The following CHD9 variants were observed in gnomAD, a reference collection of about 807,000 sequenced individuals.
CHD9 encodes the protein ATP-dependent chromatin remodeler CHD9.
Under a neutral mutation model 316.1 loss-of-function variants are expected in CHD9, and 77 were observed. That is an observed-to-expected ratio of 0.24 (90% CI 0.20 to 0.29). The LOEUF (loss-of-function observed/expected upper bound fraction) is 0.29, where lower values mean the gene tolerates loss of function less well. CHD9 is among the 10% of genes least tolerant of loss of function. The pLI is 1.00. For missense variants in CHD9, 2,763 were observed against 3,438.1 expected, an observed-to-expected ratio of 0.80 and a Z score of 4.91; for synonymous variants, 1,129 against 1,158.3, an observed-to-expected ratio of 0.97 and a Z score of 0.51.
chr16:53,214,029 A>G (rs1270474581), intron 3 of CHD9, among the ~76,000 whole-genome samples: 3 of 152,204 alleles, frequency 2.0e-5, no homozygotes, highest in African/African-American at 7.2e-5. Flanking sequence ...AGTAGGAATT[A>G]AGTATAAGTC....
chr16:53,240,837 A>G (rs1415142982), intron 12 of CHD9, among the ~76,000 whole-genome samples: 3 of 152,138 alleles, frequency 2.0e-5, no homozygotes, highest in Non-Finnish European at 4.4e-5. Flanking sequence ...AACCTTGTAA[A>G]ATAGATAGTA....
Position 53,148,878 on chromosome 16 carries a change from C to A in CHD9, c.-164-7048C>A, listed in dbSNP as rs377672544. 1.0e-3 allele frequency among the ~76,000 whole-genome samples: 154 copies of A among 152,260 alleles called. 2 individuals are homozygous for A. In the South Asian group the frequency reaches 0.03, roughly 30 times the overall value. ...ATTAGGTTATTAATTTAAGATATAT[C>A]TTTAAAAATGTAGTTGTTCACAGGT... On this transcript the variant is annotated intron_variant, in intron 1 of 38. Coordinates refer to ENST00000447540, the MANE Select transcript of CHD9 (RefSeq NM_001308319.2).
At chr16:53,188,700 T>C (rs1039180368) in intron 2 of CHD9, among the ~76,000 whole-genome samples, 6 of 143,456 alleles carry the variant, frequency 4.2e-5, no homozygotes, top group African/African-American at 1.6e-4. Context: ...GTTCAAGCAG[T>C]TCTTCTGCCT....
intron 2 of CHD9, among the ~76,000 whole-genome samples, chr16:53,194,527 C>T (rs1253904278): frequency 6.6e-6 from 1 of 152,114 alleles, no homozygotes; most frequent in East Asian, 1.9e-4. Flanking sequence ...GAGCGGAGAT[C>T]GTACCACTTC....
At chr16:53,122,238 G>A (rs866849501) in intron 1 of CHD9, 1 of 151,870 alleles carries the variant, frequency 6.6e-6, no homozygotes, top group South Asian at 2.1e-4. Context: ...ATTTATACGG[G>A]AATAATAATC....
At chr16:53,069,082 G>C (rs1567305519) in intron 1 of CHD9, among the ~76,000 whole-genome samples, 1 of 151,956 alleles carries the variant, frequency 6.6e-6, no homozygotes, top group Non-Finnish European at 1.5e-5. Context: ...TTGGCTTACT[G>C]CAACCTCTGC....
At chr16:53,162,952 G>T (rs1359916918) in intron 2 of CHD9, among the ~76,000 whole-genome samples, 1 of 151,294 alleles carries the variant, frequency 6.6e-6, no homozygotes, top group Non-Finnish European at 1.5e-5. Context: ...TTTATTTTTT[G>T]TGGAGACAAG....
intron 1 of CHD9, among the ~76,000 whole-genome samples, chr16:53,069,923 G>GT (rs60443741): frequency 0.65 from 98,953 of 151,690 alleles, 32,876 homozygotes; most frequent in African/African-American, 0.7. Flanking sequence ...TTTGTGTGTG[G>GT]TTTTTTTTGA....
chr16:53,187,994 C>T (rs982726784), intron 2 of CHD9, among the ~76,000 whole-genome samples: 5 of 152,192 alleles, frequency 3.3e-5, no homozygotes, highest in Middle Eastern at 3.2e-3. Flanking sequence ...TGTTAGCAGT[C>T]GTTCCTAATT....
Position 53,222,683 on chromosome 16 carries a change from G to A in CHD9, c.1824G>A (p.Lys608=). 6.3e-7 allele frequency: 1 copy of A among 1,577,454 alleles called. No individual in the cohort carries two copies. Among genetic ancestry groups the A allele is most frequent in the Middle Eastern group, 1.7e-4 (1 of 5,980 alleles). The change falls in exon 4 of 39, where the codon AAG becomes AAA. Residue 608 remains lysine, a synonymous_variant. Transcript: ENST00000447540. ...IITLGKKQKR[K]NESSDEISDA... ...CATTGGGTAAGAAACAAAAAAGAAA[G>A]AATGAGTCTTCAGATGAAATATCTG... is the stretch of plus-strand genomic sequence containing the variant.
chr16:53,310,669 G>A (rs1441040546), intron 34 of CHD9: 4 of 149,294 alleles, frequency 2.7e-5, no homozygotes, highest in African/African-American at 7.4e-5. Context: ...CTGACATGGT[G>A]AAACCCTGTC....
At chr16:53,290,066 G>T (rs76064168) in intron 27 of CHD9, among the ~76,000 whole-genome samples, 377 of 152,214 alleles carry the variant, frequency 2.5e-3, no homozygotes, top group African/African-American at 8.3e-3. Context: ...TTGAGTTCAG[G>T]AGTTCAAGAC....
chr16:53,164,075 A>C lies in CHD9; in HGVS notation c.1452+6534A>C, dbSNP rs372305390. Among the ~76,000 whole-genome samples the C allele has an allele frequency of 3.3e-4, 50 of 152,330 alleles. 1 individual carries two copies. The South Asian group carries it at 9.7e-3, about 30-fold the overall frequency. ...ATTATTTCTGGTCTTAACAACTTTC[A>C]CTTTACTTAAAAGCATATTAATACA... On this transcript the variant is annotated intron_variant, in intron 2 of 38. Transcript: ENST00000447540.
chr16:53,087,425 C>T (rs891125256), intron 1 of CHD9, among the ~76,000 whole-genome samples: 3 of 152,162 alleles, frequency 2.0e-5, no homozygotes, highest in Non-Finnish European at 2.9e-5. Context: ...ATATGAGACT[C>T]GGGTCTATTC....
intron 2 of CHD9, among the ~76,000 whole-genome samples, chr16:53,191,960 G>A (rs902573654): frequency 6.6e-6 from 1 of 151,500 alleles, no homozygotes; most frequent in Non-Finnish European, 1.5e-5. Context: ...CCATTGATTA[G>A]ATGTGTATTT....
At chr16:53,210,876 G>C (rs1049508669) in intron 3 of CHD9, among the ~76,000 whole-genome samples, 1 of 151,966 alleles carries the variant, frequency 6.6e-6, no homozygotes. Context: ...GGGCTCTCTT[G>C]TTATAATAGA....
intron 24 of CHD9, among the ~76,000 whole-genome samples, chr16:53,278,714 T>C (rs1170073096): frequency 6.6e-6 from 1 of 152,130 alleles, no homozygotes; most frequent in Non-Finnish European, 1.5e-5. Context: ...GAACAGACAC[T>C]TCTCAAAAGA....
At chr16:53,205,438 T>C (rs1272304092) in intron 2 of CHD9, among the ~76,000 whole-genome samples, 2 of 151,952 alleles carry the variant, frequency 1.3e-5, no homozygotes, top group African/African-American at 4.8e-5. Flanking sequence ...AAAAATACAA[T>C]TAAGTAGATT....
chr16:53,192,794 G>A (rs571131197), intron 2 of CHD9, among the ~76,000 whole-genome samples: 1 of 152,106 alleles, frequency 6.6e-6, no homozygotes, highest in Non-Finnish European at 1.5e-5. Context: ...TTTGTTCCCT[G>A]TATCAATAGC....
Sources: gnomAD v4.1 joint callset for allele counts (sites outside exome capture counted in the v4.1 genomes callset) on GRCh38, gnomAD v4.1.1 for gene constraint, MANE v1.5 for transcripts, NCBI Gene and HGNC (gene_info 2026-07-23, HGNC 2026-07-21) for gene names.